The following GIT2 variants were observed in gnomAD, a reference collection of about 807,000 sequenced individuals.
GIT2 encodes ARF GTPase-activating protein GIT2.
A neutral mutation model predicts 100.3 loss-of-function variants in GIT2; 32 were observed. The ratio of observed to expected loss-of-function variants is 0.32; its 90% CI spans 0.24 to 0.43. The LOEUF (loss-of-function observed/expected upper bound fraction) is 0.43. GIT2 is among the 20% of genes least tolerant of loss of function. GIT2 has a pLI of 1.00. For missense variants in GIT2, 737 were observed against 975.1 expected (o/e 0.76, Z 3.25); for synonymous variants, 353 against 364.1 (o/e 0.97, Z 0.35).
chr12:109,966,203 C>T (rs1882321162), intron 8 of GIT2, among the ~76,000 whole-genome samples: 1 of 148,164 alleles, frequency 6.7e-6, no homozygotes, highest in South Asian at 2.4e-4. Context: ...ACCATCTTGG[C>T]CAGGCTGGTC....
chr12:109,967,387 A>G (rs1319727070), intron 8 of GIT2, 71 bp downstream of exon 8: 1 of 1,509,280 alleles, frequency 6.6e-7, no homozygotes, highest in African/African-American at 1.4e-5. Flanking sequence ...AAAATATAAT[A>G]TACTTAAACA....
chr12:109,976,460 A>T (rs1032433871), intron 7 of GIT2, among the ~76,000 whole-genome samples: 1 of 148,850 alleles, frequency 6.7e-6, no homozygotes, highest in Non-Finnish European at 1.5e-5. Context: ...AATTTTTTGT[A>T]TTTGTAGTAG....
chr12:109,969,992 G>A (rs1177134129), intron 7 of GIT2, among the ~76,000 whole-genome samples: 1 of 151,904 alleles, frequency 6.6e-6, no homozygotes, highest in African/African-American at 2.4e-5. Flanking sequence ...CTGACCTCAG[G>A]TGATCCACCC....
At position 109,967,514 on chromosome 12, in the gene GIT2, A is replaced by C; in HGVS notation, c.719-11T>G. ...GTCCATTTTTGTGATCTGAAACAGAAACCAAGTCAAAGTTTTGTTCATAGA... is the reference window on the plus strand; with the variant it reads ...GTCCATTTTTGTGATCTGAAACAGACACCAAGTCAAAGTTTTGTTCATAGA... On this transcript the variant is annotated splice_polypyrimidine_tract_variant and intron_variant, in intron 7 of 19. Coordinates refer to ENST00000355312, the MANE Select transcript of GIT2 (RefSeq NM_057169.5). 6.4e-7 allele frequency: 1 copy of C among 1,573,422 alleles called. No individual in the cohort carries two copies. Among genetic ancestry groups the C allele is most frequent in the Non-Finnish European group, 8.7e-7 (1 of 1,143,252 alleles).
In GIT2 at chr12:109,991,791, G is replaced by A. The variant is rs182977028; in HGVS notation, c.53-31C>T. ...AAGAGAGTGAAATCTCAGTGGCAGGGATACCAGCAGGTTGCTATACCGCCA... is the reference window on the plus strand; with the variant it reads ...AAGAGAGTGAAATCTCAGTGGCAGGAATACCAGCAGGTTGCTATACCGCCA... On this transcript the variant is annotated intron_variant, in intron 1 of 19. Coordinates refer to ENST00000355312, the MANE Select transcript of GIT2 (RefSeq NM_057169.5). 6.9e-6 allele frequency: 11 copies of A among 1,594,098 alleles called. No homozygotes were observed. In the Admixed American group the frequency reaches 6.9e-5, roughly 10 times the overall value.
chr12:109,936,260 T>TA (rs547925577), intron 18 of GIT2, among the ~76,000 whole-genome samples: 1,784 of 136,348 alleles, frequency 0.013, 15 homozygotes, highest in African/African-American at 0.017. Flanking sequence ...CTCATGGTCT[T>TA]AAAAAAAAAA....
In GIT2 at chr12:109,951,639, A is replaced by C. The variant is rs186383460; in HGVS notation, c.1243-323T>G. On this transcript the variant is annotated intron_variant, in intron 13 of 19. Transcript: ENST00000355312. ...TTTTGTTTTTATTCATTCTTTCATT[A>C]ATTCATTCATTCCAACATTTTCATT... 9.2e-5 allele frequency among the ~76,000 whole-genome samples: 14 copies of C among 152,258 alleles called. No homozygotes were observed. In the East Asian group the frequency reaches 2.5e-3, roughly 27 times the overall value.
intron 1 of GIT2, among the ~76,000 whole-genome samples, chr12:109,995,875 C>T (rs1889292214): frequency 6.6e-6 from 1 of 152,188 alleles, no homozygotes; most frequent in Admixed American, 6.5e-5. Context: ...CTGTGGATTG[C>T]CCAAGCCCCT....
chr12:109,940,771 C>T (rs1006771487), intron 16 of GIT2, among the ~76,000 whole-genome samples: 6 of 151,940 alleles, frequency 3.9e-5, no homozygotes, highest in Non-Finnish European at 7.4e-5. Context: ...TTCAGCTACT[C>T]GGGAGGCTGA....
intron 7 of GIT2, among the ~76,000 whole-genome samples, chr12:109,968,445 C>A (rs1565983043): frequency 6.6e-6 from 1 of 152,078 alleles, no homozygotes; most frequent in East Asian, 1.9e-4. Context: ...TTATTTGAGA[C>A]AGAGTTTCAC....
intron 16 of GIT2, among the ~76,000 whole-genome samples, chr12:109,941,625 A>G (rs1843233490): frequency 1.3e-5 from 2 of 151,532 alleles, no homozygotes; most frequent in African/African-American, 4.9e-5. Flanking sequence ...AGGTTCAAGC[A>G]ATTCTCCTGC....
At chr12:109,998,242 T>C (rs911844040), upstream of GIT2, 9 of 152,346 alleles carry the variant, frequency 5.9e-5, no homozygotes, top group Middle Eastern at 3.4e-3. Context: ...ACGCATTCCA[T>C]GGTTAGAGTC....
chr12:109,966,053 T>G (rs1317939806), intron 8 of GIT2, among the ~76,000 whole-genome samples: 1 of 147,410 alleles, frequency 6.8e-6, no homozygotes, highest in Non-Finnish European at 1.5e-5. Flanking sequence ...TGGAGTGCAG[T>G]GGCGCAATCT....
intron 4 of GIT2, among the ~76,000 whole-genome samples, chr12:109,984,008 G>A (rs188318197): frequency 1.6e-4 from 24 of 152,220 alleles, no homozygotes; most frequent in Admixed American, 7.8e-4. Context: ...GTGACTATGC[G>A]TGGCTCTGAC....
At chr12:109,966,292 G>A (rs546186891) in intron 8 of GIT2, among the ~76,000 whole-genome samples, 9 of 145,698 alleles carry the variant, frequency 6.2e-5, no homozygotes, top group African/African-American at 2.0e-4. Flanking sequence ...CTGCCCTGGC[G>A]AGGTCAGGGG....
rs1347174960 is a variant in GIT2, at chr12:109,959,849, T to C, written c.1097A>G (p.Lys366Arg). Reference sequence around the variant, plus strand: ...TGTTTGGAGGTTTGAGCAGTTACCTTTTGAACCCGAGAGAGAACTGCCCTG... The same window carrying C: ...TGTTTGGAGGTTTGAGCAGTTACCTCTTGAACCCGAGAGAGAACTGCCCTG... ...RQQGSSLSGS[K>R]DNVELILKTI... is the part of the protein sequence containing the mutation. The change falls in exon 12 of 20, where the codon AAA (lysine) becomes AGA (arginine). Residue 366 changes from lysine (K) to arginine (R), a missense_variant and splice_region_variant. Transcript: ENST00000355312. 6.3e-7 allele frequency: 1 copy of C among 1,595,648 alleles called. No individual in the cohort carries two copies. Among genetic ancestry groups the C allele is most frequent in the Admixed American group, 1.7e-5 (1 of 59,926 alleles).
At chr12:109,953,044 C>A (rs772282922) in intron 13 of GIT2, 48 bp downstream of exon 13, 2 of 1,600,454 alleles carry the variant, frequency 1.2e-6, no homozygotes, top group African/African-American at 2.7e-5. Flanking sequence ...CAGGGCTAGC[C>A]CTCAGCTGAT....
intron 12 of GIT2, among the ~76,000 whole-genome samples, chr12:109,959,500 G>A (rs1349965830): frequency 6.6e-6 from 1 of 152,176 alleles, no homozygotes; most frequent in Non-Finnish European, 1.5e-5. Context: ...ATAAATATGT[G>A]TAGCAGTTAA....
chr12:109,932,953 C>G lies in GIT2; in HGVS notation c.*25G>C. On this transcript the variant is annotated 3_prime_UTR_variant, in exon 20 of 20. Transcript: ENST00000355312. ...ATTGGACTTTATAAAGCCTAGAAAA[C>G]AGAGGAGGCGGTGCCCTGCCCTTGT... The G allele has an allele frequency of 1.5e-6, 2 of 1,338,980 alleles. No individual in the cohort carries two copies. Among genetic ancestry groups the G allele is most frequent in the Admixed American group, 1.7e-5 (1 of 59,584 alleles). 82.9% of individuals were successfully genotyped at this position (1,338,980 alleles called of 1,614,324 possible). A position where few individuals can be genotyped will look rare whatever the true frequency, so the allele number is the denominator to read the frequency against.
Sources: gnomAD v4.1 joint callset for allele counts (sites outside exome capture counted in the v4.1 genomes callset) on GRCh38, gnomAD v4.1.1 for gene constraint, MANE v1.5 for transcripts, NCBI Gene and HGNC (gene_info 2026-07-23, HGNC 2026-07-21) for gene names.